The following SPOP variants were observed in gnomAD, a reference collection of about 807,000 sequenced individuals.
The protein encoded by SPOP is speckle type BTB/POZ protein.
In SPOP, 11 loss-of-function variants were observed where a neutral mutation model predicts 45.6. The observed-to-expected ratio is 0.24, with a 90% CI of 0.15 to 0.40. The LOEUF (loss-of-function observed/expected upper bound fraction) is 0.40, where lower values mean the gene tolerates loss of function less well. Among genes scored for constraint, SPOP ranks in the 10% least tolerant of loss-of-function variants. The pLI is 1.00. For missense variants in SPOP, 152 were observed against 465.6 expected (o/e 0.33, Z 6.20); for synonymous variants, 166 against 166.3 (o/e 1.00, Z 0.01).
At chr17:49,649,605 G>GCT (rs2072813179) in intron 1 of SPOP, among the ~76,000 whole-genome samples, 1 of 151,686 alleles carries the variant, frequency 6.6e-6, no homozygotes, top group Non-Finnish European at 1.5e-5. Flanking sequence ...GGCCGAGGCG[G>GCT]GCAGATCAAG....
chr17:49,620,227 T>C (rs1308841552), intron 3 of SPOP, among the ~76,000 whole-genome samples: 1 of 151,960 alleles, frequency 6.6e-6, no homozygotes, highest in Non-Finnish European at 1.5e-5. Context: ...GGCTTATGCC[T>C]GTAATCCCAG....
At chr17:49,657,058 G>C (rs935083064) in intron 1 of SPOP, among the ~76,000 whole-genome samples, 3 of 151,912 alleles carry the variant, frequency 2.0e-5, no homozygotes, top group African/African-American at 7.2e-5. Flanking sequence ...GGTGGCGGGC[G>C]CCTGTAGTCC....
intron 5 of SPOP, among the ~76,000 whole-genome samples, chr17:49,615,522 A>C (rs2072067508): frequency 6.6e-6 from 1 of 152,068 alleles, no homozygotes; most frequent in South Asian, 2.1e-4. Flanking sequence ...ATTTTTTAAC[A>C]GACAGGGACT....
intron 5 of SPOP, among the ~76,000 whole-genome samples, chr17:49,617,300 T>C (rs931936473): frequency 6.6e-6 from 1 of 152,244 alleles, no homozygotes; most frequent in Non-Finnish European, 1.5e-5. Context: ...GTCTGTAAGA[T>C]AGGTGAAGAT....
At chr17:49,653,585 A>G (rs1001647049) in intron 1 of SPOP, among the ~76,000 whole-genome samples, 4 of 151,956 alleles carry the variant, frequency 2.6e-5, no homozygotes, top group African/African-American at 9.7e-5. Flanking sequence ...AATAGCCTGC[A>G]TGCTGTTTAT....
chr17:49,615,777 TTAGTG>T (rs1165985442), intron 5 of SPOP, among the ~76,000 whole-genome samples: 3 of 152,120 alleles, frequency 2.0e-5, no homozygotes, highest in Admixed American at 1.3e-4. Flanking sequence ...TCAGCTCCAC[TTAGTG>T]TAGTGCAGCG....
intron 1 of SPOP, among the ~76,000 whole-genome samples, chr17:49,628,522 CAGAA>C (rs1015708667): frequency 2.7e-5 from 4 of 149,626 alleles, no homozygotes; most frequent in African/African-American, 9.9e-5. Flanking sequence ...GGAGGACAGA[CAGAA>C]GGACAAAAAA....
At chr17:49,633,895 CA>C (rs2072496593) in intron 1 of SPOP, among the ~76,000 whole-genome samples, 1 of 151,850 alleles carries the variant, frequency 6.6e-6, no homozygotes, top group South Asian at 2.1e-4. Flanking sequence ...ATGGAGGATC[CA>C]GCAGAATAAT....
At chr17:49,604,467 C>A (rs1478788634) in intron 8 of SPOP, among the ~76,000 whole-genome samples, 1 of 152,218 alleles carries the variant, frequency 6.6e-6, no homozygotes, top group African/African-American at 2.4e-5. Flanking sequence ...TAAACACAGG[C>A]ACTTTCCTCT....
chr17:49,670,980 G>C (rs1444830825), intron 1 of SPOP, among the ~76,000 whole-genome samples: 1 of 152,056 alleles, frequency 6.6e-6, no homozygotes, highest in Non-Finnish European at 1.5e-5. Flanking sequence ...TAATAAAACC[G>C]CCACATCCCA....
chr17:49,633,289 AAGG>A (rs1444585916), intron 1 of SPOP, among the ~76,000 whole-genome samples: 1 of 152,158 alleles, frequency 6.6e-6, no homozygotes, highest in Non-Finnish European at 1.5e-5. Context: ...TAGATAGATC[AAGG>A]CAAGCTGAAG....
chr17:49,601,806 T>A, intron 9 of SPOP, 59 bp downstream of exon 9: 1 of 1,600,730 alleles, frequency 6.2e-7, no homozygotes, highest in Non-Finnish European at 8.5e-7. Flanking sequence ...TCAAAGCCTT[T>A]CTCATTTCTT....
At chr17:49,645,747 A>G (rs939554377) in intron 1 of SPOP, among the ~76,000 whole-genome samples, 4 of 152,196 alleles carry the variant, frequency 2.6e-5, no homozygotes, top group African/African-American at 9.7e-5. Context: ...TGAAACTCAA[A>G]GACAGATTAT....
intron 1 of SPOP, among the ~76,000 whole-genome samples, chr17:49,649,096 G>A (rs113999261): frequency 0.013 from 1,973 of 152,150 alleles, 50 homozygotes; most frequent in African/African-American, 0.045. Flanking sequence ...CTTAATCTTA[G>A]AAAATTTTCC....
chr17:49,655,244 G>GC (rs2072891850), intron 1 of SPOP, among the ~76,000 whole-genome samples: 2 of 152,300 alleles, frequency 1.3e-5, no homozygotes, highest in Middle Eastern at 3.4e-3. Flanking sequence ...GGGCGCAGTG[G>GC]CTTACTCCTG....
At chr17:49,612,653 A>G (rs2071998626) in intron 5 of SPOP, 1 of 152,218 alleles carries the variant, frequency 6.6e-6, no homozygotes, top group Admixed American at 6.5e-5. Flanking sequence ...TCATAAAATA[A>G]ATGTCAGTTG....
At chr17:49,650,715 A>G (rs1480536759) in intron 1 of SPOP, among the ~76,000 whole-genome samples, 2 of 152,244 alleles carry the variant, frequency 1.3e-5, no homozygotes, top group Non-Finnish European at 2.9e-5. Flanking sequence ...AAAATTGACA[A>G]AACTTGCTAA....
chr17:49,607,681 C>T (rs1052483609), intron 7 of SPOP, among the ~76,000 whole-genome samples, 193 bp downstream of exon 7: 1 of 152,162 alleles, frequency 6.6e-6, no homozygotes, highest in African/African-American at 2.4e-5. Flanking sequence ...TGATCAGCCT[C>T]ATTTAATAAG....
chr17:49,677,570 G>A (rs538502183), intron 1 of SPOP, among the ~76,000 whole-genome samples: 5 of 152,198 alleles, frequency 3.3e-5, no homozygotes, highest in African/African-American at 7.2e-5. Context: ...ATGCGCATGC[G>A]CCCCCGGGGC....
Sources: allele counts gnomAD v4.1 joint callset (sites outside exome capture counted in the v4.1 genomes callset), GRCh38; gene constraint gnomAD v4.1.1; transcripts MANE v1.5; gene names NCBI Gene and HGNC (gene_info 2026-07-23, HGNC 2026-07-21).